The following SIRT2 variants were observed in gnomAD, a reference collection of about 807,000 sequenced individuals.
SIRT2 encodes NAD-dependent protein deacetylase sirtuin-2.
SIRT2 carries 40 observed loss-of-function variants against 57.4 expected under a neutral mutation model. That is an observed-to-expected ratio of 0.70 (90% CI 0.54 to 0.91). SIRT2 has a LOEUF of 0.91. Ranked by LOEUF, SIRT2 falls within the 40% of genes least tolerant of loss-of-function variation. SIRT2 has a pLI of 0.00. For missense variants in SIRT2, 439 were observed against 510.4 expected (o/e 0.86, Z 1.35); for synonymous variants, 161 against 195.7 (o/e 0.82, Z 1.48).
chr19:38,894,053 G>C, intron 2 of SIRT2, 186 bp from the exon 3 acceptor site: 1 of 1,256,038 alleles, frequency 8.0e-7, no homozygotes, highest in East Asian at 2.6e-5. Context: ...TTGGAGTCCT[G>C]GCCATGCCCG....
At chr19:38,882,215 A>G (rs1487732304) in intron 9 of SIRT2, among the ~76,000 whole-genome samples, 1 of 151,314 alleles carries the variant, frequency 6.6e-6, no homozygotes, top group African/African-American at 2.4e-5. Flanking sequence ...GGATCTCCCT[A>G]TGTTGCCCAG....
intron 7 of SIRT2, 193 bp from the exon 8 acceptor site, chr19:38,889,348 GT>G (rs1332924533): frequency 1.4e-6 from 1 of 721,328 alleles, no homozygotes; most frequent in Non-Finnish European, 2.6e-6. Context: ...AGGGGATTGT[GT>G]TGCCAAAGTC....
intron 2 of SIRT2, 32 bp from the exon 3 acceptor site, chr19:38,893,899 G>A (rs201572470): frequency 5.4e-5 from 87 of 1,613,384 alleles, no homozygotes; most frequent in Non-Finnish European, 7.0e-5. Context: ...GGCCAGGCCC[G>A]AGAGGTGGGA....
chr19:38,889,796 G>C lies in SIRT2; in HGVS notation c.376-51C>G, dbSNP rs757719196. ...AGATGCCCCAGGTAGCGTGAGGGTT[G>C]GAGCCAGGTGACCCCATCCCCACCC... is the stretch of plus-strand genomic sequence containing the variant. On this transcript the variant is annotated intron_variant, in intron 6 of 15. Transcript: ENST00000249396. 9 of 1,613,776 alleles carry C rather than the reference G, an allele frequency of 5.6e-6. No individual in the cohort carries two copies. In the South Asian group the frequency reaches 9.9e-5, roughly 18 times the overall value.
intron 8 of SIRT2, among the ~76,000 whole-genome samples, chr19:38,886,620 A>ATGTTT (rs1568399797): frequency 7.2e-6 from 1 of 138,720 alleles, no homozygotes; most frequent in Non-Finnish European, 1.6e-5. Flanking sequence ...TGCCTGGCTA[A>ATGTTT]TTTTTTTTTT....
intron 8 of SIRT2, among the ~76,000 whole-genome samples, chr19:38,886,901 C>T (rs1018027514): frequency 6.6e-6 from 1 of 151,860 alleles, no homozygotes; most frequent in Non-Finnish European, 1.5e-5. Context: ...TGAGCCACCG[C>T]GCCTGGCCTT....
rs749545779 is a variant in SIRT2, at chr19:38,881,155, T to C, written c.692A>G (p.Asp231Gly). 2 of 1,612,328 alleles carry C rather than the reference T, an allele frequency of 1.2e-6. No homozygotes were observed. The highest frequency in any genetic ancestry group is 1.1e-5 in the South Asian group (1 of 90,640). ...GAGGCTCTCACCAAAAAAGACGATATCTGAGGTGGAGACAGATGGACGGAC... is the reference window on the plus strand; with the variant it reads ...GAGGCTCTCACCAAAAAAGACGATACCTGAGGTGGAGACAGATGGACGGAC... Reference protein sequence around the residue: ...CEDCQSLVKPDIVFFGESLPA... With the variant: ...CEDCQSLVKPGIVFFGESLPA... Residue 231 changes from aspartate (D) to glycine (G), a missense_variant and splice_region_variant, in exon 11 of 16, where the codon GAT (aspartate) becomes GGT (glycine). Transcript: ENST00000249396.
chr19:38,886,001 G>A (rs1172396515), intron 8 of SIRT2, among the ~76,000 whole-genome samples: 2 of 152,156 alleles, frequency 1.3e-5, no homozygotes, highest in African/African-American at 2.4e-5. Flanking sequence ...CCCCTTTGGA[G>A]CAGCTGTTGT....
intron 11 of SIRT2, 23 bp downstream of exon 11, chr19:38,881,077 G>C: frequency 1.2e-6 from 2 of 1,610,956 alleles, no homozygotes; most frequent in Non-Finnish European, 1.7e-6. Flanking sequence ...TTGGGGATGC[G>C]GGGAGGCTGG....
intron 13 of SIRT2, 113 bp from the exon 14 acceptor site, chr19:38,879,815 T>TG: frequency 1.3e-6 from 1 of 764,658 alleles, no homozygotes; most frequent in Non-Finnish European, 2.1e-6. Flanking sequence ...TTTGTTTTTT[T>TG]TTTGTTGTTG....
intron 2 of SIRT2, chr19:38,894,426 A>C: frequency 4.9e-6 from 1 of 203,470 alleles, no homozygotes. Context: ...TTGATTTTCT[A>C]AGTCTTGGTG....
At chr19:38,891,422 G>A (rs1348527820) in intron 4 of SIRT2, among the ~76,000 whole-genome samples, 6 of 152,074 alleles carry the variant, frequency 3.9e-5, no homozygotes, top group East Asian at 3.9e-4. Context: ...GGTGGCACGC[G>A]CCTGTAATCC....
chr19:38,888,414 C>G (rs1033088864), intron 8 of SIRT2, among the ~76,000 whole-genome samples: 1 of 151,738 alleles, frequency 6.6e-6, no homozygotes, highest in Non-Finnish European at 1.5e-5. Flanking sequence ...CTCGAGCTAT[C>G]TCTCGCTTTG....
At chr19:38,893,983 C>A (rs780291482) in intron 2 of SIRT2, 116 bp from the exon 3 acceptor site, 1 of 1,558,546 alleles carries the variant, frequency 6.4e-7, no homozygotes, top group African/African-American at 1.4e-5. Context: ...TGAGGAAGTG[C>A]GGGGTGGTGG....
At chr19:38,896,371 C>T (rs1410890030) in intron 2 of SIRT2, among the ~76,000 whole-genome samples, 1 of 152,132 alleles carries the variant, frequency 6.6e-6, no homozygotes, top group Non-Finnish European at 1.5e-5. Flanking sequence ...GCTACAGACC[C>T]ACCTAATTTA....
chr19:38,899,065 AG>A, intron 1 of SIRT2: 1 of 228,742 alleles, frequency 4.4e-6, no homozygotes, highest in Non-Finnish European at 8.8e-6. Context: ...TTTGGCTGGG[AG>A]GCAGGTTTAG....
Position 38,880,976 on chromosome 19 carries a change from T to C in SIRT2, c.748-79A>G. On this transcript the variant is annotated intron_variant, in intron 11 of 15. Coordinates refer to ENST00000249396, the MANE Select transcript of SIRT2 (RefSeq NM_012237.4). The surrounding 1 kb of genome is among the most constrained non-coding windows in gnomAD (Gnocchi z 4.1). ...CCTCCCCCGCCCCCAGCAGCAAACC[T>C]CCCTGCCGCCCCCCATAGCTGGGGA... The C allele has an allele frequency of 6.4e-7, 1 of 1,552,944 alleles. No homozygotes were observed. The highest frequency in any genetic ancestry group is 1.1e-5 in the South Asian group (1 of 89,130).
rs1475160845 is a variant in SIRT2, at chr19:38,880,392, C to T, written c.876+293G>A. 1.9e-5 allele frequency: 7 copies of T among 370,068 alleles called. No individual in the cohort carries two copies. Among genetic ancestry groups the T allele is most frequent in the Admixed American group, 4.2e-5 (1 of 23,558 alleles). The allele number at this position is 370,068 out of a possible 1,614,324, so 22.9% of individuals were successfully genotyped here. On this transcript the variant is annotated intron_variant, in intron 13 of 15. Transcript: ENST00000249396. This position sits in a 1 kb window ranked among gnomAD's most constrained non-coding sequence, Gnocchi z 4.1. ...GAGACCCAGAGCGTGGACCCAACCC[C>T]GCCCCCCGCACTGTCTCTCCTGACC...
At chr19:38,884,038 G>A (rs1973245024) in intron 8 of SIRT2, among the ~76,000 whole-genome samples, 1 of 150,710 alleles carries the variant, frequency 6.6e-6, no homozygotes, top group African/African-American at 2.4e-5. Context: ...TGAGGTGGGA[G>A]GATCACTTGA....
Sources: allele counts gnomAD v4.1 joint callset (sites outside exome capture counted in the v4.1 genomes callset), GRCh38; gene constraint gnomAD v4.1.1; non-coding constraint Gnocchi (gnomAD v3.1); transcripts MANE v1.5; gene names NCBI Gene and HGNC (gene_info 2026-07-23, HGNC 2026-07-21).